ADAMTSL3: variants seen among roughly 807,000 people sequenced by gnomAD.
ADAMTSL3 encodes ADAMTS-like protein 3.
A neutral mutation model predicts 201.7 loss-of-function variants in ADAMTSL3; 128 were observed. That is an observed-to-expected ratio of 0.63 (90% CI 0.55 to 0.73). The LOEUF (loss-of-function observed/expected upper bound fraction) is 0.73, where lower values mean the gene tolerates loss of function less well. Ranked by LOEUF, ADAMTSL3 falls within the 30% of genes least tolerant of loss-of-function variation. The pLI is 0.00. For missense variants in ADAMTSL3, 1,990 were observed against 2,119.6 expected, an observed-to-expected ratio of 0.94 and a Z score of 1.20; for synonymous variants, 738 against 748.4, an observed-to-expected ratio of 0.99 and a Z score of 0.23.
chr15:83,691,446 T>G (rs1252409386), intron 2 of ADAMTSL3, among the ~76,000 whole-genome samples: 2 of 152,128 alleles, frequency 1.3e-5, no homozygotes, highest in African/African-American at 4.8e-5. Context: ...GCGCTTGGGC[T>G]CCCAACTGCA....
At chr15:83,991,975 G>T (rs897973673) in intron 23 of ADAMTSL3, among the ~76,000 whole-genome samples, 1 of 152,140 alleles carries the variant, frequency 6.6e-6, no homozygotes, top group East Asian at 1.9e-4. Context: ...TGTGAATAGC[G>T]TTTTATTGCT....
chr15:83,892,755 G>A lies in ADAMTSL3; in HGVS notation c.1334G>A (p.Cys445Tyr), dbSNP rs1321552560. The A allele has an allele frequency of 6.2e-7, 1 of 1,613,988 alleles. No homozygotes were observed. The highest frequency in any genetic ancestry group is 2.2e-5 in the East Asian group (1 of 44,896). The change falls in exon 13 of 30, where the codon TGT becomes TAT. Residue 445 changes from cysteine (C) to tyrosine (Y), a missense_variant. Physicochemically the swap from Cys to Tyr is radical, Grantham distance 194. Coordinates refer to ENST00000286744, the MANE Select transcript of ADAMTSL3 (RefSeq NM_207517.3). ...GGGIQRRSFV[C>Y]VEESMHGEIL... ...GGGATTCAGAGACGGAGCTTTGTGT[G>A]TGTAGAGGAATCCATGCATGGAGAG...
At chr15:83,974,466 C>T (rs1414333296) in intron 20 of ADAMTSL3, among the ~76,000 whole-genome samples, 1 of 152,172 alleles carries the variant, frequency 6.6e-6, no homozygotes, top group Non-Finnish European at 1.5e-5. Context: ...CTTTTTATCT[C>T]ATTTCTATTA....
intron 20 of ADAMTSL3, among the ~76,000 whole-genome samples, chr15:83,975,615 G>A (rs1596486947): frequency 6.6e-6 from 1 of 152,318 alleles, no homozygotes; most frequent in East Asian, 1.9e-4. Flanking sequence ...GTGGTTAGAG[G>A]TCAGGAAGAA....
At chr15:83,678,082 C>A (rs1222166524) in intron 2 of ADAMTSL3, among the ~76,000 whole-genome samples, 1 of 152,004 alleles carries the variant, frequency 6.6e-6, no homozygotes, top group Non-Finnish European at 1.5e-5. Flanking sequence ...TTATTCTTTA[C>A]CCTTTTGAAT....
Position 83,970,524 on chromosome 15 carries a change from A to C in ADAMTSL3, c.2531A>C (p.Gln844Pro). ...GGTGTTGGAATCCAGAGAAGAAAGC[A>C]GGTGTGTCAAAGGCTGGCAGCCAAA... ...SCGVGIQRRKQVCQRLAAKGR... is the reference protein window; with the variant it reads ...SCGVGIQRRKPVCQRLAAKGR... Residue 844 changes from glutamine (Q) to proline (P), a missense_variant, in exon 20 of 30, where the codon CAG becomes CCG. Gln to Pro is a moderately conservative substitution (Grantham distance 76). Coordinates refer to ENST00000286744, the MANE Select transcript of ADAMTSL3 (RefSeq NM_207517.3). 6.2e-7 allele frequency: 1 copy of C among 1,614,186 alleles called. No individual in the cohort carries two copies.
intron 23 of ADAMTSL3, among the ~76,000 whole-genome samples, chr15:84,012,631 T>C (rs955131470): frequency 6.6e-6 from 1 of 152,240 alleles, no homozygotes; most frequent in Non-Finnish European, 1.5e-5. Flanking sequence ...CTCCCCATTT[T>C]AAGGCCAACT....
chr15:83,704,334 T>G, intron 2 of ADAMTSL3, 55 bp from the exon 3 acceptor site: 1 of 1,611,634 alleles, frequency 6.2e-7, no homozygotes, highest in Non-Finnish European at 8.5e-7. Context: ...GGACTTTACC[T>G]GTCAGGGGGT....
At position 83,815,367 on chromosome 15, in the gene ADAMTSL3, A is replaced by G. The variant is rs1385551678; in HGVS notation, c.364-4444A>G. 2.0e-5 allele frequency among the ~76,000 whole-genome samples: 3 copies of G among 152,180 alleles called. No homozygotes were observed. The East Asian group carries it at 5.8e-4, about 29-fold the overall frequency. ...CATGCGTATAGAAGCTACATCTCCA[A>G]TAAGATAACAAGCTCATTGAATGAC... On this transcript the variant is annotated intron_variant, in intron 5 of 29. Coordinates refer to ENST00000286744, the MANE Select transcript of ADAMTSL3 (RefSeq NM_207517.3).
In ADAMTSL3 at chr15:83,913,788, G is replaced by A. The variant is rs143175447; in HGVS notation, c.1987+410G>A. Among the ~76,000 whole-genome samples, 38 of 152,264 alleles carry A rather than the reference G, an allele frequency of 2.5e-4. No individual in the cohort carries two copies. The East Asian group carries it at 5.0e-3, about 20-fold the overall frequency. The stretch of plus-strand genomic sequence containing the variant: ...TCAGAAAATATTTGGGTTCATATCC[G>A]CACATTGGGCCAGCACCTAGGGGAA... On this transcript the variant is annotated intron_variant, in intron 16 of 29. Transcript: ENST00000286744.
chr15:83,956,648 G>T (rs2066867363), intron 19 of ADAMTSL3, among the ~76,000 whole-genome samples: 1 of 151,616 alleles, frequency 6.6e-6, no homozygotes. Flanking sequence ...TCTGTTCCAT[G>T]TGTTTTAAGT....
At chr15:83,943,765 C>T (rs1858396138) in intron 19 of ADAMTSL3, among the ~76,000 whole-genome samples, 1 of 152,300 alleles carries the variant, frequency 6.6e-6, no homozygotes, top group East Asian at 1.9e-4. Context: ...CTGTATTACT[C>T]TCCCATCTCC....
chr15:83,749,299 A>G (rs1417642355), intron 3 of ADAMTSL3, among the ~76,000 whole-genome samples: 2 of 152,214 alleles, frequency 1.3e-5, no homozygotes, highest in Non-Finnish European at 2.9e-5. Flanking sequence ...TGTGACCCTC[A>G]GAGAGATGCC....
chr15:83,937,011 A>G (rs1401244189), intron 17 of ADAMTSL3, among the ~76,000 whole-genome samples: 1 of 150,936 alleles, frequency 6.6e-6, no homozygotes, highest in Non-Finnish European at 1.5e-5. Context: ...TCAAAAAATT[A>G]CAGATGCTGG....
chr15:83,664,863 C>T (rs185468306), intron 2 of ADAMTSL3, among the ~76,000 whole-genome samples: 1 of 152,190 alleles, frequency 6.6e-6, no homozygotes, highest in East Asian at 1.9e-4. Flanking sequence ...GCTTGTAGTC[C>T]CAGCTACTTG....
At chr15:83,866,617 G>C (rs984108591) in intron 8 of ADAMTSL3, among the ~76,000 whole-genome samples, 4 of 152,084 alleles carry the variant, frequency 2.6e-5, no homozygotes, top group African/African-American at 9.7e-5. Flanking sequence ...TGTGGGGTGG[G>C]GGGAGTGGGG....
intron 17 of ADAMTSL3, among the ~76,000 whole-genome samples, chr15:83,937,394 G>T (rs2066480068): frequency 6.6e-6 from 1 of 150,920 alleles, no homozygotes; most frequent in South Asian, 2.1e-4. Context: ...TACCTTAAGT[G>T]AACTAATGCA....
intron 2 of ADAMTSL3, among the ~76,000 whole-genome samples, chr15:83,688,137 A>G (rs1320117217): frequency 6.6e-6 from 1 of 152,236 alleles, no homozygotes; most frequent in Non-Finnish European, 1.5e-5. Context: ...GTTTCCTTGA[A>G]TGAAGGAAGA....
chr15:83,780,855 G>A (rs924048756), intron 4 of ADAMTSL3, among the ~76,000 whole-genome samples: 18 of 152,156 alleles, frequency 1.2e-4, no homozygotes, highest in African/African-American at 4.1e-4. Flanking sequence ...CCCATTGACA[G>A]TTGTCATACA....
Sources: gnomAD v4.1 joint callset for allele counts (sites outside exome capture counted in the v4.1 genomes callset) on GRCh38, gnomAD v4.1.1 for gene constraint, MANE v1.5 for transcripts, NCBI Gene and HGNC (gene_info 2026-07-23, HGNC 2026-07-21) for gene names.